UTRN: variants seen among roughly 807,000 people sequenced by gnomAD.
The protein encoded by UTRN is dystrophin-related protein 1.
In UTRN, 283 loss-of-function variants were observed where a neutral mutation model predicts 463.9. The observed-to-expected ratio is 0.61, with a 90% CI of 0.55 to 0.67. The LOEUF (loss-of-function observed/expected upper bound fraction) is 0.67, where lower values mean the gene tolerates loss of function less well. Among genes scored for constraint, UTRN ranks in the 30% least tolerant of loss-of-function variants. The pLI is 0.00. For missense variants in UTRN, 3,922 were observed against 4,084.3 expected, an observed-to-expected ratio of 0.96 and a Z score of 1.08; for synonymous variants, 1,442 against 1,431.5, an observed-to-expected ratio of 1.01 and a Z score of -0.17.
intron 51 of UTRN, among the ~76,000 whole-genome samples, chr6:144,645,039 C>T (rs552136004): frequency 7.4e-4 from 112 of 152,218 alleles, no homozygotes; most frequent in African/African-American, 2.5e-3. Flanking sequence ...CTTCCCCTTG[C>T]TTCAGCCTCT....
chr6:144,391,799 A>G (rs7746323), intron 2 of UTRN, among the ~76,000 whole-genome samples: 110,751 of 152,028 alleles, frequency 0.73, 40,524 homozygotes, highest in East Asian at 0.87. Context: ...GCACCACCAC[A>G]CCCATCTAAT....
intron 33 of UTRN, among the ~76,000 whole-genome samples, chr6:144,494,023 AT>A (rs1441055187): frequency 4.6e-5 from 7 of 152,178 alleles, no homozygotes; most frequent in African/African-American, 1.7e-4. Context: ...TATTTTTAAT[AT>A]TTAATTCAGG....
At chr6:144,525,309 G>A (rs551972847) in intron 41 of UTRN, among the ~76,000 whole-genome samples, 63 of 152,030 alleles carry the variant, frequency 4.1e-4, no homozygotes, top group African/African-American at 5.1e-4. Flanking sequence ...TGAACCCATC[G>A]GGTCCTGGGC....
chr6:144,635,514 C>CTTTTCTTTT (rs1777035213), intron 51 of UTRN, among the ~76,000 whole-genome samples: 16 of 80,026 alleles, frequency 2.0e-4, no homozygotes, highest in African/African-American at 3.4e-4. Flanking sequence ...CTTTTTTTTT[C>CTTTTCTTTT]TTTTTTTTTT....
chr6:144,612,943 A>G (rs924315265), intron 51 of UTRN, among the ~76,000 whole-genome samples: 1 of 152,108 alleles, frequency 6.6e-6, no homozygotes, highest in African/African-American at 2.4e-5. Flanking sequence ...CAAGATATGG[A>G]AACAACAACA....
intron 2 of UTRN, among the ~76,000 whole-genome samples, chr6:144,325,556 A>G (rs2114593606): frequency 6.6e-6 from 1 of 152,334 alleles, no homozygotes; most frequent in Non-Finnish European, 1.5e-5. Context: ...CATAGAATGG[A>G]CTAAGACAGC....
At position 144,420,607 on chromosome 6, in the gene UTRN, A is replaced by G. The variant is rs575179360; in HGVS notation, c.142-1271A>G. Among the ~76,000 whole-genome samples, 29 of 152,382 alleles carry G rather than the reference A, an allele frequency of 1.9e-4. No homozygotes were observed. The South Asian group carries it at 4.8e-3, about 25-fold the overall frequency. ...TCAGGAAAAAGAGTTTAGAAATTCT[A>G]TAAGCTTTGTCAGTTAAAATCTTGG... On this transcript the variant is annotated intron_variant, in intron 3 of 74. Transcript: ENST00000367545.
intron 2 of UTRN, among the ~76,000 whole-genome samples, chr6:144,348,484 T>C (rs916883723): frequency 6.6e-6 from 1 of 152,198 alleles, no homozygotes; most frequent in Non-Finnish European, 1.5e-5. Context: ...GAGATTTGTC[T>C]GGGAAGATAT....
At chr6:144,300,438 A>G (rs1805134623) in intron 2 of UTRN, among the ~76,000 whole-genome samples, 1 of 152,168 alleles carries the variant, frequency 6.6e-6, no homozygotes, top group African/African-American at 2.4e-5. Flanking sequence ...CAAGTCAAAT[A>G]ACAAACCCCA....
intron 34 of UTRN, among the ~76,000 whole-genome samples, chr6:144,499,795 G>GT (rs376742092): frequency 1.7e-3 from 265 of 152,150 alleles, no homozygotes; most frequent in African/African-American, 6.1e-3. Context: ...AGTCCCCAGT[G>GT]TTTATCGTTC....
chr6:144,552,254 T>C (rs369824835), intron 48 of UTRN, among the ~76,000 whole-genome samples: 1 of 152,366 alleles, frequency 6.6e-6, no homozygotes, highest in East Asian at 1.9e-4. Context: ...TTATAGGAGA[T>C]ACATTAGAAA....
At position 144,424,096 on chromosome 6, in the gene UTRN, C is replaced by T. The variant is rs754842623; in HGVS notation, c.405+18C>T. ...ACTGGCAGGTGGGGAAATTTCCAAT[C>T]ACTTTTTAATAGAGATGGAAAATGT... On this transcript the variant is annotated intron_variant, in intron 6 of 74. Coordinates refer to ENST00000367545, the MANE Select transcript of UTRN (RefSeq NM_007124.3). 6 of 1,609,814 alleles carry T rather than the reference C, an allele frequency of 3.7e-6. No individual in the cohort carries two copies. The highest frequency in any genetic ancestry group is 1.1e-5 in the South Asian group (1 of 90,878).
intron 9 of UTRN, among the ~76,000 whole-genome samples, chr6:144,434,235 C>G (rs188992687): frequency 2.0e-5 from 3 of 151,240 alleles, no homozygotes; most frequent in East Asian, 2.0e-4. Flanking sequence ...TGCAGGCACT[C>G]GGCAGGCTGA....
intron 2 of UTRN, among the ~76,000 whole-genome samples, chr6:144,355,908 C>A (rs1778508753): frequency 6.6e-6 from 1 of 152,054 alleles, no homozygotes. Flanking sequence ...TTAGAACATA[C>A]CAAATTTTGA....
chr6:144,717,627 C>CTTTTTTTTTTTTTTTTTTTTTTTTTTTT (rs1333769413), intron 53 of UTRN, among the ~76,000 whole-genome samples: 1 of 112,682 alleles, frequency 8.9e-6, no homozygotes, highest in African/African-American at 4.4e-5. Context: ...TTTTTCTTTT[C>CTTTTTTTTTTTTTTTTTTTTTTTTTTTT]TTTTTTCTTT....
At chr6:144,659,126 T>G (rs1585835964) in intron 51 of UTRN, among the ~76,000 whole-genome samples, 1 of 152,234 alleles carries the variant, frequency 6.6e-6, no homozygotes, top group Non-Finnish European at 1.5e-5. Flanking sequence ...TGATTTGTAT[T>G]GTTTTGTACA....
At chr6:144,719,870 C>A (rs1013883655) in intron 53 of UTRN, among the ~76,000 whole-genome samples, 15 of 152,112 alleles carry the variant, frequency 9.9e-5, no homozygotes, top group African/African-American at 3.6e-4. Flanking sequence ...AAGAAAAGTG[C>A]ATGTTAGCAA....
At chr6:144,668,245 A>G (rs1213643902) in intron 51 of UTRN, among the ~76,000 whole-genome samples, 1 of 152,192 alleles carries the variant, frequency 6.6e-6, no homozygotes, top group Non-Finnish European at 1.5e-5. Context: ...AGTGAGGTGC[A>G]AAAGGCCCTT....
rs550278605 is a variant in UTRN, at chr6:144,792,035, T to C, written c.8921-1799T>C. Among the ~76,000 whole-genome samples, 11 of 152,338 alleles carry C rather than the reference T, an allele frequency of 7.2e-5. No individual in the cohort carries two copies. The East Asian group carries it at 1.9e-3, about 27-fold the overall frequency. Reference sequence around the variant, plus strand: ...AATATTTTTGTCTATGATAGTCTTATTGTTTTTAATGGAAAGAAATAAGTA... The same window carrying C: ...AATATTTTTGTCTATGATAGTCTTACTGTTTTTAATGGAAAGAAATAAGTA... On this transcript the variant is annotated intron_variant, in intron 62 of 74. Transcript: ENST00000367545.
Sources: allele counts gnomAD v4.1 joint callset (sites outside exome capture counted in the v4.1 genomes callset), GRCh38; gene constraint gnomAD v4.1.1; transcripts MANE v1.5; gene names NCBI Gene and HGNC (gene_info 2026-07-23, HGNC 2026-07-21).